The following NEDD9 variants were observed in gnomAD, a reference collection of about 807,000 sequenced individuals.
The protein encoded by NEDD9 is enhancer of filamentation 1.
NEDD9 carries 26 observed loss-of-function variants against 76.6 expected under a neutral mutation model. That is an observed-to-expected ratio of 0.34 (90% CI 0.25 to 0.47). The LOEUF (loss-of-function observed/expected upper bound fraction) is 0.47, where lower values mean the gene tolerates loss of function less well. NEDD9 is among the 20% of genes least tolerant of loss of function. The probability of loss-of-function intolerance (pLI) is 1.00; values close to 1 mark genes in which losing one functional copy is unlikely to be tolerated. For synonymous variants in NEDD9, 392 were observed against 414.2 expected (o/e 0.95, Z 0.65); for missense variants, 937 against 1,058.5 (o/e 0.89, Z 1.59).
intron 1 of NEDD9, among the ~76,000 whole-genome samples, chr6:11,223,316 T>C (rs909808648): frequency 1.3e-5 from 2 of 152,216 alleles, no homozygotes; most frequent in Non-Finnish European, 2.9e-5. Context: ...TGTTCTTCTT[T>C]ATAAAAATAT....
intron 3 of NEDD9, among the ~76,000 whole-genome samples, chr6:11,240,158 C>T (rs1759685156): frequency 6.6e-6 from 1 of 152,072 alleles, no homozygotes; most frequent in South Asian, 2.1e-4. Flanking sequence ...TGGTTCCCTC[C>T]TAACTCATTT....
chr6:11,236,411 A>G (rs17496632), upstream of NEDD9, among the ~76,000 whole-genome samples: 15,249 of 152,312 alleles, frequency 0.1, 906 homozygotes, highest in Middle Eastern at 0.16. The surrounding 1 kb of genome is among the most constrained non-coding windows in gnomAD (Gnocchi z 5.5). Flanking sequence ...GGGCACTGGC[A>G]TAAATACAGC....
intron 1 of NEDD9, among the ~76,000 whole-genome samples, chr6:11,348,360 G>A (rs1762402689): frequency 6.6e-6 from 1 of 152,212 alleles, no homozygotes; most frequent in Non-Finnish European, 1.5e-5. Flanking sequence ...ACTGCCCAAA[G>A]CAATTTACAG....
intron 1 of NEDD9, among the ~76,000 whole-genome samples, chr6:11,226,425 A>G (rs1383569528): frequency 5.3e-5 from 8 of 152,180 alleles, no homozygotes; most frequent in Admixed American, 3.3e-4. Context: ...TTCAGCCTAT[A>G]TGTTCTTGCA....
intron 2 of NEDD9, among the ~76,000 whole-genome samples, chr6:11,319,563 C>G (rs1283427636): frequency 1.3e-5 from 2 of 150,066 alleles, no homozygotes; most frequent in African/African-American, 2.5e-5. Flanking sequence ...CATGCGGACA[C>G]ACACACTAAT....
Position 11,198,152 on chromosome 6 carries a change from CAGA to C in NEDD9, c.460-4463_460-4461del, listed in dbSNP as rs1758335951. On this transcript the variant is annotated intron_variant, in intron 2 of 6. Transcript: ENST00000379446. This position sits in a 1 kb window ranked among gnomAD's most constrained non-coding sequence, Gnocchi z 4.7. ...TGTGTTGCCAGATCTTTCACGTTTT[CAGA>C]AGCCAGAAATTTGGAATTTTATGTG... Among the ~76,000 whole-genome samples the C allele has an allele frequency of 6.6e-6, 1 of 152,194 alleles. No individual in the cohort carries two copies. The highest frequency in any genetic ancestry group is 2.1e-4 in the South Asian group (1 of 4,818).
chr6:11,306,973 C>T (rs1294148980), intron 2 of NEDD9, among the ~76,000 whole-genome samples: 1 of 152,096 alleles, frequency 6.6e-6, no homozygotes, highest in East Asian at 1.9e-4. Context: ...TATTTGTAGG[C>T]TATAGTTGGG....
At chr6:11,306,441 C>T (rs891947308) in intron 2 of NEDD9, among the ~76,000 whole-genome samples, 3 of 152,196 alleles carry the variant, frequency 2.0e-5, no homozygotes, top group Non-Finnish European at 4.4e-5. Flanking sequence ...TACATCATTT[C>T]GGGTCAAATG....
At chr6:11,340,267 T>C (rs760528274) in intron 1 of NEDD9, among the ~76,000 whole-genome samples, 1 of 152,226 alleles carries the variant, frequency 6.6e-6, no homozygotes, top group Non-Finnish European at 1.5e-5. Context: ...ACATATCTCT[T>C]GAGAATCAGA....
chr6:11,192,697 G>T, intron 3 of NEDD9: 4 of 333,296 alleles, frequency 1.2e-5, no homozygotes, highest in Non-Finnish European at 1.1e-5. Context: ...CACTTTGGGA[G>T]GCTGAGGTGG....
chr6:11,321,350 A>G (rs1187460655), intron 2 of NEDD9, among the ~76,000 whole-genome samples: 1 of 152,224 alleles, frequency 6.6e-6, no homozygotes, highest in East Asian at 1.9e-4. Context: ...CCGAGAGCTG[A>G]ATTCCCTGCG....
exon 3 of NEDD9, chr6:11,306,055 G>A (rs1015338780): frequency 1.4e-5 from 22 of 1,611,154 alleles, no homozygotes; most frequent in East Asian, 2.2e-5. Flanking sequence ...CAATTCCGGC[G>A]TTTTACTCTT....
chr6:11,296,676 T>C (rs57961018), intron 3 of NEDD9, among the ~76,000 whole-genome samples: 42,538 of 96,274 alleles, frequency 0.44, 8,395 homozygotes, highest in East Asian at 0.72. Context: ...TTTCCTTTCC[T>C]TTCCCTTCCT....
At chr6:11,197,013 C>T (rs1758310121) in intron 2 of NEDD9, among the ~76,000 whole-genome samples, 1 of 152,052 alleles carries the variant, frequency 6.6e-6, no homozygotes, top group Non-Finnish European at 1.5e-5. Context: ...TTTCTTGCTG[C>T]GTGACATAAG....
At chr6:11,319,536 A>G in intron 2 of NEDD9, among the ~76,000 whole-genome samples, 1 of 118,384 alleles carries the variant, frequency 8.4e-6, no homozygotes, top group Non-Finnish European at 1.8e-5. Context: ...TCACACTAAC[A>G]TGCGGACACA....
chr6:11,243,388 T>A (rs540488736), intron 3 of NEDD9, among the ~76,000 whole-genome samples: 4 of 152,362 alleles, frequency 2.6e-5, no homozygotes, highest in South Asian at 2.1e-4. Flanking sequence ...AAAATCACTC[T>A]TGTCTAATGG....
upstream of NEDD9, among the ~76,000 whole-genome samples, chr6:11,235,344 C>G (rs1052220475): frequency 6.6e-6 from 1 of 151,790 alleles, no homozygotes; most frequent in African/African-American, 2.4e-5. This position sits in a 1 kb window ranked among gnomAD's most constrained non-coding sequence, Gnocchi z 4.1. Flanking sequence ...TTGGAGGAAC[C>G]CCTTCTCTGT....
chr6:11,269,469 T>C (rs1323160642), intron 3 of NEDD9, among the ~76,000 whole-genome samples: 1 of 152,224 alleles, frequency 6.6e-6, no homozygotes, highest in Non-Finnish European at 1.5e-5. Context: ...ACAGACCTCC[T>C]TGGGTATCTG....
chr6:11,188,248 T>A lies in NEDD9; in HGVS notation c.1965A>T (p.Lys655Asn). The change falls in exon 6 of 7, where the codon AAA (lysine) becomes AAT (asparagine). Residue 655 changes from lysine (K) to asparagine (N), a missense_variant. Physicochemically the swap from Lys to Asn is moderately conservative, Grantham distance 94. Transcript: ENST00000379446. ...KELLEKENIM[K>N]QNKMQLEHHQ... ...GATGTTCCAGCTGCATCTTGTTCTG[T>A]TTCATGATATTCTCTTTTTCCAATA... 2 of 1,614,184 alleles carry A rather than the reference T, an allele frequency of 1.2e-6. No homozygotes were observed. Among genetic ancestry groups the A allele is most frequent in the Non-Finnish European group, 1.7e-6 (2 of 1,180,020 alleles).
Sources: gnomAD v4.1 joint callset for allele counts (sites outside exome capture counted in the v4.1 genomes callset) on GRCh38, gnomAD v4.1.1 for gene constraint, Gnocchi (gnomAD v3.1) non-coding constraint, MANE v1.5 for transcripts, NCBI Gene and HGNC (gene_info 2026-07-23, HGNC 2026-07-21) for gene names.